The following CNTNAP2 variants were observed in gnomAD, a reference collection of about 807,000 sequenced individuals.
CNTNAP2 encodes contactin associated protein 2.
In CNTNAP2, 98 loss-of-function variants were observed where a neutral mutation model predicts 155.2. That is an observed-to-expected ratio of 0.63 (90% CI 0.54 to 0.75). The LOEUF (loss-of-function observed/expected upper bound fraction) is 0.75. Ranked by LOEUF, CNTNAP2 falls within the 30% of genes least tolerant of loss-of-function variation. CNTNAP2 has a pLI of 0.00. For missense variants in CNTNAP2, 1,727 were observed against 1,688.1 expected (o/e 1.02, Z -0.40); for synonymous variants, 651 against 631.2 (o/e 1.03, Z -0.47).
At chr7:148,379,454 A>G (rs948413350) in intron 21 of CNTNAP2, among the ~76,000 whole-genome samples, 1 of 152,188 alleles carries the variant, frequency 6.6e-6, no homozygotes, top group African/African-American at 2.4e-5. Flanking sequence ...CTATAATCCC[A>G]GCACTCTGGG....
chr7:147,800,239 G>A (rs994248463), intron 13 of CNTNAP2, among the ~76,000 whole-genome samples: 4 of 152,158 alleles, frequency 2.6e-5, no homozygotes, highest in East Asian at 1.9e-4. Flanking sequence ...AATCTTCATC[G>A]TTGAGGGAAG....
chr7:148,129,340 G>A (rs1804778192), intron 16 of CNTNAP2, among the ~76,000 whole-genome samples: 2 of 152,126 alleles, frequency 1.3e-5, no homozygotes. Flanking sequence ...TCTTTCATGC[G>A]ATGCTCGAAA....
At chr7:147,469,272 A>T (rs1798170964) in intron 10 of CNTNAP2, among the ~76,000 whole-genome samples, 1 of 152,146 alleles carries the variant, frequency 6.6e-6, no homozygotes, top group African/African-American at 2.4e-5. Context: ...TAATTCAGGA[A>T]AAACTCTACA....
intron 1 of CNTNAP2, among the ~76,000 whole-genome samples, chr7:146,431,412 T>G (rs1796170984): frequency 1.3e-5 from 2 of 152,046 alleles, no homozygotes; most frequent in South Asian, 4.1e-4. Context: ...CTCCATTTGT[T>G]GATTTTTGGC....
chr7:148,077,222 G>A (rs13246574), intron 15 of CNTNAP2, among the ~76,000 whole-genome samples: 7 of 151,812 alleles, frequency 4.6e-5, no homozygotes, highest in South Asian at 2.1e-4. Context: ...CAGGAGAATC[G>A]CTTGAACCTG....
intron 1 of CNTNAP2, among the ~76,000 whole-genome samples, chr7:146,235,000 G>A (rs1395172787): frequency 2.0e-5 from 3 of 151,966 alleles, no homozygotes; most frequent in Non-Finnish European, 2.9e-5. Flanking sequence ...CAAACACCTG[G>A]GACAAAGTAT....
At chr7:148,122,779 A>C (rs77949002) in intron 16 of CNTNAP2, among the ~76,000 whole-genome samples, 2 of 151,990 alleles carry the variant, frequency 1.3e-5, no homozygotes, top group East Asian at 3.9e-4. Context: ...TGTAGATATG[A>C]AAGATCCTTC....
intron 16 of CNTNAP2, among the ~76,000 whole-genome samples, chr7:148,139,138 A>G (rs549726780): frequency 6.6e-6 from 1 of 152,346 alleles, no homozygotes; most frequent in East Asian, 1.9e-4. Context: ...GATACCAGAG[A>G]TTTTAAAATG....
chr7:148,010,550 A>G lies in CNTNAP2; in HGVS notation c.2383+32561A>G, dbSNP rs187135921. Reference sequence around the variant, plus strand: ...CTCAATTTTTTTAATGGTATAATCTAAGGGTTCAGTTTCTTATTTTTGACA... The same window carrying G: ...CTCAATTTTTTTAATGGTATAATCTGAGGGTTCAGTTTCTTATTTTTGACA... On this transcript the variant is annotated intron_variant, in intron 15 of 23. Transcript: ENST00000361727. 2.0e-4 allele frequency among the ~76,000 whole-genome samples: 30 copies of G among 151,890 alleles called. No individual in the cohort carries two copies. In the East Asian group the frequency reaches 5.4e-3, roughly 27 times the overall value.
chr7:147,871,304 G>A (rs1799322506), intron 13 of CNTNAP2, among the ~76,000 whole-genome samples: 1 of 152,176 alleles, frequency 6.6e-6, no homozygotes, highest in Non-Finnish European at 1.5e-5. Flanking sequence ...AAGTAGGCAG[G>A]ATTTGAACTT....
At chr7:147,371,287 T>A (rs1796333920) in intron 9 of CNTNAP2, among the ~76,000 whole-genome samples, 1 of 152,206 alleles carries the variant, frequency 6.6e-6, no homozygotes. Flanking sequence ...TTAAGCACTA[T>A]ACATTTATGA....
chr7:147,753,518 A>G lies in CNTNAP2; in HGVS notation c.2098+114212A>G, dbSNP rs189560654. Among the ~76,000 whole-genome samples the G allele has an allele frequency of 6.6e-4, 101 of 152,380 alleles. 1 individual carries two copies. Among genetic ancestry groups the G allele is most frequent in the Admixed American group, 2.2e-3 (33 of 15,310 alleles). The stretch of plus-strand genomic sequence containing the variant: ...TTAAAATAAATTATGTAAATGTACT[A>G]TAAGAATAATTAGAACTAGAAATGT... On this transcript the variant is annotated intron_variant, in intron 13 of 23. Coordinates refer to ENST00000361727, the MANE Select transcript of CNTNAP2 (RefSeq NM_014141.6).
intron 5 of CNTNAP2, among the ~76,000 whole-genome samples, chr7:147,111,552 T>C (rs1382313736): frequency 6.6e-6 from 1 of 152,198 alleles, no homozygotes; most frequent in Non-Finnish European, 1.5e-5. Context: ...TTGTACAGTG[T>C]AAGGAAGGGG....
chr7:148,263,449 A>G (rs1050475528), intron 20 of CNTNAP2, among the ~76,000 whole-genome samples: 1 of 152,052 alleles, frequency 6.6e-6, no homozygotes, highest in African/African-American at 2.4e-5. Flanking sequence ...AACAAAATAT[A>G]TAAAAGTGGC....
At position 148,283,522 on chromosome 7, in the gene CNTNAP2, G is replaced by A. The variant is rs77237814; in HGVS notation, c.3475+16396G>A. ...TTGTGGTTATTTGCAGACATGTGCT[G>A]TGCAGCAAACAATTTGTCATCAATG... On this transcript the variant is annotated intron_variant, in intron 21 of 23. Coordinates refer to ENST00000361727, the MANE Select transcript of CNTNAP2 (RefSeq NM_014141.6). Among the ~76,000 whole-genome samples, 284 of 152,240 alleles carry A rather than the reference G, an allele frequency of 1.9e-3. 1 individual carries two copies. Among genetic ancestry groups the A allele is most frequent in the Middle Eastern group, 3.4e-3 (1 of 294 alleles).
chr7:146,141,095 T>C (rs1258203025), intron 1 of CNTNAP2, among the ~76,000 whole-genome samples: 1 of 152,200 alleles, frequency 6.6e-6, no homozygotes, highest in East Asian at 1.9e-4. Flanking sequence ...ATAACTACAG[T>C]GTCAGTGGAG....
At chr7:147,223,660 G>A (rs549582577) in intron 8 of CNTNAP2, among the ~76,000 whole-genome samples, 122 of 152,190 alleles carry the variant, frequency 8.0e-4, no homozygotes, top group Middle Eastern at 6.8e-3. Flanking sequence ...AGAACTACAA[G>A]GGCCAGGAGC....
At chr7:148,213,832 G>C (rs943677832) in intron 18 of CNTNAP2, among the ~76,000 whole-genome samples, 1 of 152,146 alleles carries the variant, frequency 6.6e-6, no homozygotes. Flanking sequence ...CTGAACTACT[G>C]AGGGCAGGGG....
In CNTNAP2 at chr7:147,426,185, TTTTA is replaced by T. The variant is rs1161543242; in HGVS notation, c.1670+30409_1670+30412del. ...ACCTTTAAGCTGGCCAAATGTGCTT[TTTTA>T]TTTTTTTAAATAAAAAAGAGCCTAA... On this transcript the variant is annotated intron_variant, in intron 10 of 23. Transcript: ENST00000361727. 5.3e-5 allele frequency among the ~76,000 whole-genome samples: 8 copies of T among 151,282 alleles called. No individual in the cohort carries two copies. In the South Asian group the frequency reaches 1.0e-3, roughly 20 times the overall value.
Sources: allele counts gnomAD v4.1 joint callset (sites outside exome capture counted in the v4.1 genomes callset), GRCh38; gene constraint gnomAD v4.1.1; transcripts MANE v1.5; gene names NCBI Gene and HGNC (gene_info 2026-07-23, HGNC 2026-07-21).